NLRP7: variants seen among roughly 807,000 people sequenced by gnomAD.
NLRP7 encodes NACHT, LRR and PYD domains-containing protein 7.
In NLRP7, 72 loss-of-function variants were observed where a neutral mutation model predicts 85.5. The observed-to-expected ratio is 0.84, with a 90% CI of 0.70 to 1.02. NLRP7 has a LOEUF of 1.02. NLRP7 is among the 50% of genes least tolerant of loss of function. The probability of loss-of-function intolerance (pLI) is 0.00; values close to 1 mark genes in which losing one functional copy is unlikely to be tolerated. For missense variants in NLRP7, 1,243 were observed against 1,219.5 expected (o/e 1.02, Z -0.29); for synonymous variants, 550 against 505.2 (o/e 1.09, Z -1.19).
At chr19:54,929,246 G>A (rs1406058857) in intron 9 of NLRP7, among the ~76,000 whole-genome samples, 2 of 152,044 alleles carry the variant, frequency 1.3e-5, no homozygotes, top group African/African-American at 4.8e-5. Flanking sequence ...GTGCACGCCT[G>A]TAATCCCAAC....
chr19:54,951,008 A>G (rs968164477), upstream of NLRP7, among the ~76,000 whole-genome samples: 3 of 152,176 alleles, frequency 2.0e-5, no homozygotes. Context: ...ATGACTCTTA[A>G]GGAGCATGCT....
rs104895528 is a variant in NLRP7, at chr19:54,940,700, C to T, written c.352+231G>A. 2.0e-5 allele frequency among the ~76,000 whole-genome samples: 3 copies of T among 151,838 alleles called. No homozygotes were observed. Among genetic ancestry groups the T allele is most frequent in the South Asian group, 2.1e-4 (1 of 4,796 alleles). The stretch of plus-strand genomic sequence containing the variant: ...AACATTAGCTGGGGGTAGTGGCGGC[C>T]GCCTGTAATCCCGGCTACTCAGGAG... On this transcript the variant is annotated intron_variant, in intron 3 of 9. Transcript: ENST00000340844.
chr19:54,959,877 A>T (rs1017692178), intron 1 of NLRP7, among the ~76,000 whole-genome samples: 5 of 151,822 alleles, frequency 3.3e-5, no homozygotes, highest in African/African-American at 1.2e-4. Context: ...GTTCCCAGCC[A>T]TGCAACCCTG....
At chr19:54,959,422 C>A (rs1359658096) in intron 1 of NLRP7, among the ~76,000 whole-genome samples, 1 of 151,034 alleles carries the variant, frequency 6.6e-6, no homozygotes. Flanking sequence ...CAGGCGTGAG[C>A]CACCGTGCCC....
chr19:54,946,012 C>T (rs545053876), intron 1 of NLRP7, among the ~76,000 whole-genome samples: 1 of 151,902 alleles, frequency 6.6e-6, no homozygotes, highest in Non-Finnish European at 1.5e-5. Context: ...AGGATGGTCT[C>T]GATCTTCTGA....
chr19:54,943,905 A>G (rs549726301), intron 1 of NLRP7, among the ~76,000 whole-genome samples: 1 of 152,266 alleles, frequency 6.6e-6, no homozygotes, highest in African/African-American at 2.4e-5. Flanking sequence ...GCTGTGTCAC[A>G]CGTGGGTTTA....
intron 1 of NLRP7, among the ~76,000 whole-genome samples, chr19:54,954,901 GTAGCTATTCTT>G (rs1410208702): frequency 6.6e-6 from 1 of 152,016 alleles, no homozygotes; most frequent in East Asian, 1.9e-4. Context: ...TGTCTATGGA[GTAGCTATTCTT>G]TTACTCCTTC....
upstream of NLRP7, among the ~76,000 whole-genome samples, chr19:54,950,895 A>C (rs540003204): frequency 2.1e-4 from 32 of 152,200 alleles, no homozygotes; most frequent in Non-Finnish European, 3.5e-4. Context: ...TCAGGCTATC[A>C]CATGGGGAGA....
exon 4 of NLRP7, chr19:54,939,487 G>T (rs745499202): frequency 6.2e-7 from 1 of 1,613,826 alleles, no homozygotes; most frequent in Non-Finnish European, 8.5e-7. Context: ...ACAGACGGAG[G>T]TCGGACTCCT....
exon 3 of NLRP7, chr19:54,941,001 G>A (rs749424278): frequency 3.9e-5 from 63 of 1,605,460 alleles, no homozygotes; most frequent in East Asian, 1.3e-4. Flanking sequence ...GCACCTGTCC[G>A]TCCTCTGTAA....
intron 1 of NLRP7, among the ~76,000 whole-genome samples, chr19:54,960,145 GTTTGT>G (rs1386896818): frequency 6.6e-6 from 1 of 151,502 alleles, no homozygotes; most frequent in Non-Finnish European, 1.5e-5. Flanking sequence ...TGTTTTTTTT[GTTTGT>G]TTGTTTCTTT....
Position 54,937,439 on chromosome 19 carries a change from C to A in NLRP7, c.2129+605G>T, listed in dbSNP as rs142812429. Among the ~76,000 whole-genome samples, 240 of 152,002 alleles carry A rather than the reference C, an allele frequency of 1.6e-3. 1 individual carries two copies. The highest frequency in any genetic ancestry group is 2.4e-3 in the Non-Finnish European group (163 of 67,976). ...AGGCATGGTGGCTCATGCCTGTAATCCCAGCACTTTCGAAGACCGAGGCAG... is the reference window on the plus strand; with the variant it reads ...AGGCATGGTGGCTCATGCCTGTAATACCAGCACTTTCGAAGACCGAGGCAG... On this transcript the variant is annotated intron_variant, in intron 5 of 9. Transcript: ENST00000340844.
rs143169084 is a variant in NLRP7, at chr19:54,939,737, G to A, written c.1082C>T (p.Ser361Leu). 1,760 of 1,613,444 alleles carry A rather than the reference G, an allele frequency of 1.1e-3. 31 individuals are homozygous for A. Among genetic ancestry groups the A allele is most frequent in the Non-Finnish European group, 2.1e-4 (251 of 1,180,026 alleles). Residue 361 changes from serine (S) to leucine (L), a missense_variant, in exon 4 of 10, where the codon TCG becomes TTG. Ser to Leu is a moderately radical substitution (Grantham distance 145). Coordinates refer to ENST00000340844, the Ensembl canonical transcript of NLRP7. The stretch of plus-strand genomic sequence containing the variant: ...CACAATCCAGCACACCGCGGGGGCC[G>A]AGCCCAGCTGGAACAGGGCCGCGTT...
chr19:54,938,909 T>C, exon 4 of NLRP7: 2 of 1,614,210 alleles, frequency 1.2e-6, no homozygotes, highest in Non-Finnish European at 1.7e-6. Flanking sequence ...AATGTCCAGT[T>C]CAAAATCCAT....
intron 1 of NLRP7, among the ~76,000 whole-genome samples, chr19:54,955,527 G>A (rs1047523027): frequency 7.2e-5 from 11 of 152,098 alleles, no homozygotes; most frequent in Admixed American, 2.0e-4. Flanking sequence ...AATTTCGACT[G>A]AGCACAGTGG....
chr19:54,929,886 G>A (rs1043865916), intron 9 of NLRP7, among the ~76,000 whole-genome samples: 2 of 151,906 alleles, frequency 1.3e-5, no homozygotes, highest in Non-Finnish European at 1.5e-5. Context: ...AGGCCAAGGC[G>A]GGCAGATCAT....
exon 4 of NLRP7, chr19:54,939,827 G>A (rs1318745304): frequency 6.2e-7 from 1 of 1,613,940 alleles, no homozygotes; most frequent in South Asian, 1.1e-5. Flanking sequence ...CAGGAAATAG[G>A]CCCTCCTGTC....
chr19:54,938,013 G>C (rs570852810), intron 5 of NLRP7, 31 bp downstream of exon 5: 35 of 1,544,552 alleles, frequency 2.3e-5, no homozygotes, highest in Non-Finnish European at 3.0e-5. Context: ...CATCGTTCAG[G>C]GTCTTCCTTG....
At position 54,927,604 on chromosome 19, in the gene NLRP7, C is replaced by G; in HGVS notation, c.2810+2895G>C. 1 of 1,613,712 alleles carries G rather than the reference C, an allele frequency of 6.2e-7. No homozygotes were observed. Among genetic ancestry groups the G allele is most frequent in the Non-Finnish European group, 8.5e-7 (1 of 1,179,786 alleles). ...AACAAAACAAAACAAAAAACCCATA[C>G]CTGAGTATCTTCAAGGATCCAGTTC... is the stretch of plus-strand genomic sequence containing the variant. On this transcript the variant is annotated intron_variant, in intron 9 of 9. Transcript: ENST00000340844.
Sources: gnomAD v4.1 joint callset for allele counts (sites outside exome capture counted in the v4.1 genomes callset) on GRCh38, gnomAD v4.1.1 for gene constraint, MANE v1.5 for transcripts, NCBI Gene and HGNC (gene_info 2026-07-23, HGNC 2026-07-21) for gene names.